Variants in TCF7L1 observed in about 807,000 individuals in gnomAD.
TCF7L1 encodes transcription factor 7-like 1.
A neutral mutation model predicts 63.7 loss-of-function variants in TCF7L1; 18 were observed. That is an observed-to-expected ratio of 0.28 (90% CI 0.20 to 0.42). TCF7L1 has a LOEUF of 0.42. Among genes scored for constraint, TCF7L1 ranks in the 10% least tolerant of loss-of-function variants. The pLI is 1.00. For missense variants in TCF7L1, 654 were observed against 779.3 expected (o/e 0.84, Z 1.91); for synonymous variants, 355 against 340.9 (o/e 1.04, Z -0.46).
At chr2:85,236,193 G>A (rs1680189082) in intron 3 of TCF7L1, among the ~76,000 whole-genome samples, 1 of 151,896 alleles carries the variant, frequency 6.6e-6, no homozygotes, top group Non-Finnish European at 1.5e-5. Context: ...CCAACCTTGA[G>A]ACTCATGCCA....
intron 5 of TCF7L1, 134 bp downstream of exon 5, chr2:85,302,750 G>A: frequency 8.4e-7 from 1 of 1,194,192 alleles, no homozygotes; most frequent in Non-Finnish European, 1.2e-6. Context: ...TTTGGACCTT[G>A]TCTGCTAACT....
At chr2:85,148,562 A>G (rs1677933682) in intron 3 of TCF7L1, among the ~76,000 whole-genome samples, 2 of 152,160 alleles carry the variant, frequency 1.3e-5, no homozygotes, top group Non-Finnish European at 2.9e-5. Flanking sequence ...GCACTGAAGT[A>G]ACATTTTGTC....
chr2:85,301,570 G>A (rs906116636), intron 4 of TCF7L1, among the ~76,000 whole-genome samples: 3 of 149,344 alleles, frequency 2.0e-5, no homozygotes, highest in Admixed American at 6.6e-5. Flanking sequence ...GCGTGCCAGC[G>A]TTTTTCTCAA....
intron 3 of TCF7L1, among the ~76,000 whole-genome samples, chr2:85,240,617 CAAAAA>C (rs60695204): frequency 7.9e-6 from 1 of 127,124 alleles, no homozygotes; most frequent in East Asian, 2.4e-4. Flanking sequence ...ACTAAAAATA[CAAAAA>C]AAAAAAAAAA....
chr2:85,297,081 G>A (rs564090374), intron 4 of TCF7L1, among the ~76,000 whole-genome samples: 6 of 152,278 alleles, frequency 3.9e-5, no homozygotes, highest in Admixed American at 1.3e-4. Flanking sequence ...AAATGCCAAA[G>A]GAACAAAAAT....
chr2:85,233,789 C>CT (rs1680132355), intron 3 of TCF7L1: 2 of 152,170 alleles, frequency 1.3e-5, no homozygotes, highest in South Asian at 2.1e-4. Context: ...CTGGTTTTGC[C>CT]TTTTCCAGGA....
chr2:85,213,147 TG>T lies in TCF7L1; in HGVS notation c.442-70344del, dbSNP rs1409394000. On this transcript the variant is annotated intron_variant, in intron 3 of 11. Coordinates refer to ENST00000282111, the MANE Select transcript of TCF7L1 (RefSeq NM_031283.3). Reference sequence around the variant, plus strand: ...GAGAAACCTCCAGTTTCCCTGTGGCTGGGGTGGGGGGAGGGTTTGGGGGCCA... The same window carrying T: ...GAGAAACCTCCAGTTTCCCTGTGGCTGGGTGGGGGGAGGGTTTGGGGGCCA... 8.4e-5 allele frequency among the ~76,000 whole-genome samples: 3 copies of T among 35,826 alleles called. No homozygotes were observed. In the East Asian group the frequency reaches 2.4e-3, roughly 29 times the overall value. 23.5% of individuals were successfully genotyped at this position (35,826 alleles called of 152,430 possible).
intron 3 of TCF7L1, among the ~76,000 whole-genome samples, chr2:85,201,245 A>C (rs534235957): frequency 3.7e-4 from 57 of 152,330 alleles, no homozygotes; most frequent in African/African-American, 1.3e-3. Context: ...ACAGTCATAC[A>C]GTATGCACTG....
intron 3 of TCF7L1, among the ~76,000 whole-genome samples, chr2:85,182,091 G>A (rs1269490837): frequency 2.0e-5 from 3 of 152,142 alleles, no homozygotes; most frequent in South Asian, 2.1e-4. Context: ...TGGACGGGGC[G>A]CCTGAAGGAA....
intron 3 of TCF7L1, among the ~76,000 whole-genome samples, chr2:85,208,808 G>T (rs1283309208): frequency 6.6e-6 from 1 of 152,144 alleles, no homozygotes; most frequent in Non-Finnish European, 1.5e-5. Flanking sequence ...TTATCTTGAG[G>T]AAGTAATAGA....
At chr2:85,173,888 C>T (rs1214759852) in intron 3 of TCF7L1, among the ~76,000 whole-genome samples, 2 of 152,166 alleles carry the variant, frequency 1.3e-5, no homozygotes, top group Non-Finnish European at 2.9e-5. Flanking sequence ...AGACCCGCAC[C>T]ACCACGCCTG....
intron 3 of TCF7L1, among the ~76,000 whole-genome samples, chr2:85,249,637 T>C (rs1165772092): frequency 6.6e-6 from 1 of 152,204 alleles, no homozygotes; most frequent in African/African-American, 2.4e-5. Context: ...CACAACTGTC[T>C]CCCTTAAGAA....
In TCF7L1 at chr2:85,173,574, C is replaced by A. The variant is rs74604235; in HGVS notation, c.441+39124C>A. 3.2e-3 allele frequency among the ~76,000 whole-genome samples: 490 copies of A among 152,188 alleles called. 5 individuals are homozygous for A. Among genetic ancestry groups the A allele is most frequent in the African/African-American group, 0.011 (443 of 41,526 alleles). On this transcript the variant is annotated intron_variant, in intron 3 of 11. Transcript: ENST00000282111. ...CAGGGGAATCGCAAATACATTTATG[C>A]CAGTTTTTGTTTTTCAAGAGACAGG... is the stretch of plus-strand genomic sequence containing the variant.
At chr2:85,307,864 C>G (rs1334544570) in intron 11 of TCF7L1, 147 bp downstream of exon 11, 22 of 664,804 alleles carry the variant, frequency 3.3e-5, no homozygotes, top group Middle Eastern at 4.2e-4. Flanking sequence ...GAGGTGGCCA[C>G]TTAAGAGGCT....
intron 3 of TCF7L1, among the ~76,000 whole-genome samples, chr2:85,201,068 G>T (rs1261582264): frequency 1.3e-5 from 2 of 152,126 alleles, no homozygotes; most frequent in South Asian, 2.1e-4. Context: ...CTGGTGCAGT[G>T]GTGTGCGCCT....
At chr2:85,254,691 G>C (rs1322796421) in intron 3 of TCF7L1, among the ~76,000 whole-genome samples, 1 of 152,150 alleles carries the variant, frequency 6.6e-6, no homozygotes, top group East Asian at 1.9e-4. Flanking sequence ...TCCGTTGGGG[G>C]CTCTATTCTC....
At chr2:85,154,734 G>C (rs1166832401) in intron 3 of TCF7L1, among the ~76,000 whole-genome samples, 1 of 152,102 alleles carries the variant, frequency 6.6e-6, no homozygotes, top group East Asian at 1.9e-4. Flanking sequence ...GATTTGTTTT[G>C]TTCCTTCCCT....
intron 3 of TCF7L1, among the ~76,000 whole-genome samples, chr2:85,184,445 T>C (rs78445322): frequency 0.042 from 6,388 of 152,108 alleles, 457 homozygotes; most frequent in African/African-American, 0.15. Flanking sequence ...AGATTGGGTA[T>C]TGGAGGAGAA....
chr2:85,197,426 T>C (rs900561887), intron 3 of TCF7L1, among the ~76,000 whole-genome samples: 1 of 151,604 alleles, frequency 6.6e-6, no homozygotes, highest in African/African-American at 2.4e-5. Flanking sequence ...ATTTCGGGAG[T>C]GGGGTGGCAC....
Sources: gnomAD v4.1 joint callset for allele counts (sites outside exome capture counted in the v4.1 genomes callset) on GRCh38, gnomAD v4.1.1 for gene constraint, MANE v1.5 for transcripts, NCBI Gene and HGNC (gene_info 2026-07-23, HGNC 2026-07-21) for gene names.